The following PPWD1 variants were observed in gnomAD, a reference collection of about 807,000 sequenced individuals.
The protein encoded by PPWD1 is peptidylprolyl isomerase domain and WD repeat containing 1.
In PPWD1, 43 loss-of-function variants were observed where a neutral mutation model predicts 68.8. The observed-to-expected ratio is 0.62, with a 90% CI of 0.49 to 0.81. PPWD1 has a LOEUF of 0.81. PPWD1 is among the 30% of genes least tolerant of loss of function. The pLI is 0.00. For missense variants in PPWD1, 672 were observed against 804.8 expected (o/e 0.83, Z 2.00); for synonymous variants, 232 against 258.7 (o/e 0.90, Z 0.99).
chr5:65,577,694 T>G, intron 6 of PPWD1, among the ~76,000 whole-genome samples: 1 of 152,242 alleles, frequency 6.6e-6, no homozygotes, highest in East Asian at 1.9e-4. Flanking sequence ...AGGTTAAAAC[T>G]GTATAAACAA....
At chr5:65,577,302 G>A (rs539849798) in intron 6 of PPWD1, among the ~76,000 whole-genome samples, 1 of 152,268 alleles carries the variant, frequency 6.6e-6, no homozygotes, top group Admixed American at 6.5e-5. Flanking sequence ...GATATGCATA[G>A]TTTCAAGTTG....
At chr5:65,563,828 A>T (rs1229375385) in intron 1 of PPWD1, 2 of 1,502,020 alleles carry the variant, frequency 1.3e-6, no homozygotes, top group Admixed American at 2.0e-5. Context: ...GGAATTTCGA[A>T]CTCTTATTTA....
At chr5:65,574,800 A>G (rs1024773744) in intron 5 of PPWD1, among the ~76,000 whole-genome samples, 1 of 152,242 alleles carries the variant, frequency 6.6e-6, no homozygotes, top group Non-Finnish European at 1.5e-5. Flanking sequence ...TGAGCTGCTC[A>G]ATCCACTCTA....
intron 7 of PPWD1, among the ~76,000 whole-genome samples, chr5:65,580,169 A>G (rs1753529847): frequency 6.6e-6 from 1 of 152,132 alleles, no homozygotes. Flanking sequence ...GGAGTAGCAC[A>G]ATTTTATTTG....
rs1752383829 is a variant in PPWD1, at chr5:65,563,333, A to G, written c.23A>G (p.Asp8Gly). Reference protein sequence around the residue: MAAESGSDFQQRRRRRRD... With the variant: MAAESGSGFQQRRRRRRD... The stretch of plus-strand genomic sequence containing the variant: ...AACATGGCGGCGGAAAGTGGTAGCG[A>G]TTTTCAGCAGAGACGTAGAAGGCGC... The change falls in exon 1 of 11, where the codon GAT (aspartate) becomes GGT (glycine). Residue 8 changes from aspartate (D) to glycine (G), a missense_variant. By Grantham distance (94) the Asp-to-Gly change is moderately conservative. This residue lies in a region of PPWD1 where 188 missense variants were observed against 158.6 expected (regional missense o/e 1.19). Transcript: ENST00000261308. The G allele has an allele frequency of 1.2e-6, 2 of 1,613,614 alleles. No homozygotes were observed. Among genetic ancestry groups the G allele is most frequent in the Non-Finnish European group, 1.7e-6 (2 of 1,179,864 alleles).
chr5:65,571,465 A>G (rs1753003681), intron 4 of PPWD1, among the ~76,000 whole-genome samples: 1 of 152,198 alleles, frequency 6.6e-6, no homozygotes, highest in South Asian at 2.1e-4. Context: ...TTACATGCTA[A>G]TCTATTTTAA....
At position 65,563,558 on chromosome 5, in the gene PPWD1, A is replaced by G. The variant is rs747461501; in HGVS notation, c.196+52A>G. On this transcript the variant is annotated intron_variant, in intron 1 of 10. Coordinates refer to ENST00000261308, the MANE Select transcript of PPWD1 (RefSeq NM_015342.4). ...AATTGGAGTGCTGCGTCCGCTGAGT[A>G]GGAGGGTTCAAGCCAGATCCGAAGA... 5.2e-5 allele frequency: 80 copies of G among 1,550,308 alleles called. No individual in the cohort carries two copies. The South Asian group carries it at 7.8e-4, about 15-fold the overall frequency.
Position 65,569,440 on chromosome 5 carries a change from T to G in PPWD1, c.300-192T>G, listed in dbSNP as rs570921954. The G allele has an allele frequency of 3.0e-4, 133 of 439,064 alleles. 2 individuals are homozygous for G. In the South Asian group the frequency reaches 5.0e-3, roughly 17 times the overall value. 27.2% of individuals were successfully genotyped at this position (439,064 alleles called of 1,614,324 possible). ...AGGTTAAAATTAGTACAGCTGTAAC[T>G]GTTTTGACATCCAGAAAGGAGTTTC... On this transcript the variant is annotated intron_variant, in intron 2 of 10. Transcript: ENST00000261308.
chr5:65,572,489 T>C (rs1753062789), intron 5 of PPWD1, among the ~76,000 whole-genome samples: 1 of 152,198 alleles, frequency 6.6e-6, no homozygotes, highest in Non-Finnish European at 1.5e-5. Context: ...TGTGCGTTTT[T>C]CAAGTCAATT....
chr5:65,579,835 T>C (rs1177916503), intron 7 of PPWD1, among the ~76,000 whole-genome samples: 1 of 152,244 alleles, frequency 6.6e-6, no homozygotes, highest in Non-Finnish European at 1.5e-5. Context: ...TTCAACCTCG[T>C]TTCCACAACT....
At chr5:65,568,775 C>A in intron 2 of PPWD1, 1 of 255,746 alleles carries the variant, frequency 3.9e-6, no homozygotes, top group South Asian at 4.3e-5. Context: ...ATTTATATTT[C>A]ATGTAAAATA....
At chr5:65,585,265 C>G (rs1006182519) in intron 9 of PPWD1, among the ~76,000 whole-genome samples, 170 bp downstream of exon 9, 2 of 152,114 alleles carry the variant, frequency 1.3e-5, no homozygotes, top group Non-Finnish European at 2.9e-5. Flanking sequence ...ATATCAACAT[C>G]TAGAATCAAC....
intron 5 of PPWD1, 172 bp from the exon 6 acceptor site, chr5:65,576,707 A>C (rs1486060213): frequency 1.1e-6 from 1 of 875,614 alleles, no homozygotes; most frequent in African/African-American, 1.8e-5. Context: ...TGGACTTACT[A>C]ATGTCTATTT....
intron 6 of PPWD1, among the ~76,000 whole-genome samples, chr5:65,578,730 ATATACATATAT>A (rs1332717082): frequency 2.4e-5 from 2 of 84,612 alleles, no homozygotes; most frequent in African/African-American, 4.5e-5. Flanking sequence ...ATACATATAT[ATATACATATAT>A]ATATACACAC....
At chr5:65,564,318 CTTTTTTTT>C (rs550753414) in intron 1 of PPWD1, among the ~76,000 whole-genome samples, 43,378 of 117,932 alleles carry the variant, frequency 0.37, 5,785 homozygotes, top group African/African-American at 0.41. Context: ...TTTTCTCTCT[CTTTTTTTT>C]TTTTTTTTTT....
chr5:65,583,170 A>G lies in PPWD1; in HGVS notation c.1483A>G (p.Ile495Val). 6.2e-7 allele frequency: 1 copy of G among 1,612,306 alleles called. No individual in the cohort carries two copies. The highest frequency in any genetic ancestry group is 1.1e-5 in the South Asian group (1 of 90,674). The change falls in exon 8 of 11, where the codon ATT (isoleucine) becomes GTT (valine). Residue 495 changes from isoleucine (I) to valine (V), a missense_variant. Around this residue, in one of 2 missense-constraint regions of PPWD1, gnomAD observed 484 missense variants for 646.2 expected, o/e 0.75. Transcript: ENST00000261308. ...ACCTAAACGAGTTTCGGACAGTGCC[A>G]TTATCCACACCAGCATGGGAGACAT... ...EGPKRVSDSA[I>V]IHTSMGDIHT...
In PPWD1 at chr5:65,583,059, G is replaced by A; in HGVS notation, c.1372G>A (p.Asp458Asn). 3 of 1,592,176 alleles carry A rather than the reference G, an allele frequency of 1.9e-6. No homozygotes were observed. The highest frequency in any genetic ancestry group is 2.6e-6 in the Non-Finnish European group (3 of 1,169,764). ...FYMFTKREPEDTKSADSDRDV... is the reference protein window; with the variant it reads ...FYMFTKREPENTKSADSDRDV... ...TGAGTTTACCAAACGAGAACCAGAA[G>A]ATACGAAAAGTGCAGATTCTGATCG... is the stretch of plus-strand genomic sequence containing the variant. The change falls in exon 8 of 11, where the codon GAT (aspartate) becomes AAT (asparagine). Residue 458 changes from aspartate to asparagine, a missense_variant. Coordinates refer to ENST00000261308, the MANE Select transcript of PPWD1 (RefSeq NM_015342.4).
chr5:65,577,077 T>A lies in PPWD1; in HGVS notation c.1160+8T>A, dbSNP rs372573044. The stretch of plus-strand genomic sequence containing the variant: ...AAATGTAGAGACAAACCGGTAAGCT[T>A]TAATATGAGGTATGTTTTTTAAAAA... On this transcript the variant is annotated splice_region_variant and intron_variant, in intron 6 of 10. Coordinates refer to ENST00000261308, the MANE Select transcript of PPWD1 (RefSeq NM_015342.4). 44 of 1,604,388 alleles carry A rather than the reference T, an allele frequency of 2.7e-5. No homozygotes were observed. The highest frequency in any genetic ancestry group is 3.7e-5 in the Non-Finnish European group (43 of 1,173,274).
intron 8 of PPWD1, among the ~76,000 whole-genome samples, chr5:65,584,737 G>C (rs1281099067): frequency 1.3e-5 from 2 of 151,656 alleles, no homozygotes; most frequent in Admixed American, 1.3e-4. Flanking sequence ...TATTTTTTTT[G>C]ACTGCTAAAT....
Sources: gnomAD v4.1 joint callset for allele counts (sites outside exome capture counted in the v4.1 genomes callset) on GRCh38, gnomAD v4.1.1 for gene constraint, gnomAD v4.1.1 regional missense constraint, MANE v1.5 for transcripts, NCBI Gene and HGNC (gene_info 2026-07-23, HGNC 2026-07-21) for gene names.